The following MKS1 variants were observed in gnomAD, a reference collection of about 807,000 sequenced individuals.
MKS1 encodes MKS transition zone complex subunit 1.
MKS1 carries 70 observed loss-of-function variants against 83.7 expected under a neutral mutation model. The ratio of observed to expected loss-of-function variants is 0.84; its 90% CI spans 0.69 to 1.02. The LOEUF is 1.02. Ranked by LOEUF, MKS1 falls within the 50% of genes least tolerant of loss-of-function variation. The probability of loss-of-function intolerance (pLI) is 0.00; values close to 1 mark genes in which losing one functional copy is unlikely to be tolerated. For missense variants in MKS1, 681 were observed against 726.9 expected (o/e 0.94, Z 0.73); for synonymous variants, 251 against 273.4 (o/e 0.92, Z 0.81).
chr17:58,216,676 A>G lies in MKS1; in HGVS notation c.251T>C (p.Leu84Pro). Residue 84 changes from leucine to proline, a missense_variant, in exon 3 of 18, where the codon CTC (leucine) becomes CCC (proline). Coordinates refer to ENST00000393119, the MANE Select transcript of MKS1 (RefSeq NM_017777.4). Reference sequence around the variant, plus strand: ...GAGACACTGGCTCACCTGGCTAAAGAGCTTCTCCTGCCACCCAATCACAAT... The same window carrying G: ...GAGACACTGGCTCACCTGGCTAAAGGGCTTCTCCTGCCACCCAATCACAAT... ...EEIVIGWQEKLFSQFEVDLYQ... is the reference protein window; with the variant it reads ...EEIVIGWQEKPFSQFEVDLYQ... 1 of 1,614,192 alleles carries G rather than the reference A, an allele frequency of 6.2e-7. No individual in the cohort carries two copies. The highest frequency in any genetic ancestry group is 8.5e-7 in the Non-Finnish European group (1 of 1,180,026).
intron 15 of MKS1, 41 bp downstream of exon 15, chr17:58,207,044 A>G (rs1002602328): frequency 1.2e-6 from 2 of 1,614,008 alleles, no homozygotes; most frequent in South Asian, 1.1e-5. Flanking sequence ...GGACAGGACC[A>G]TAAGTTCTCA....
intron 4 of MKS1, 135 bp from the exon 5 acceptor site, chr17:58,214,973 A>G (rs1969108070): frequency 7.2e-7 from 1 of 1,388,702 alleles, no homozygotes; most frequent in Non-Finnish European, 9.8e-7. Flanking sequence ...ACAATTATAC[A>G]TGCTAACGGA....
chr17:58,215,964 G>T, intron 4 of MKS1, 124 bp downstream of exon 4: 1 of 1,196,540 alleles, frequency 8.4e-7, no homozygotes, highest in Non-Finnish European at 1.2e-6. Context: ...GCAGCTCACA[G>T]CAGTTCCTAG....
rs144764478 is a variant in MKS1 at position 58,207,971 on chromosome 17, C to G, written c.1196G>C (p.Cys399Ser). ...DALPEWPVLY[C>S]EVLSLDFWQR... ...CCAGAAGTCCAGCGAGAGGACCTCA[C>G]AGTAGAGCACAGGCCACTCCGGGAG... The change falls in exon 14 of 18, where the codon TGT (cysteine) becomes TCT (serine). Residue 399 changes from cysteine to serine, a missense_variant. By Grantham distance (112) the Cys-to-Ser change is moderately radical. Around this residue, in one of 3 missense-constraint regions of MKS1, gnomAD observed 310 missense variants for 321.7 expected, o/e 0.96. Transcript: ENST00000393119. 461 of 1,614,104 alleles carry G rather than the reference C, an allele frequency of 2.9e-4. No homozygotes were observed. The highest frequency in any genetic ancestry group is 3.8e-4 in the Non-Finnish European group (452 of 1,180,026).
chr17:58,215,788 T>A, intron 4 of MKS1: 1 of 407,274 alleles, frequency 2.5e-6, no homozygotes, highest in South Asian at 2.2e-5. Flanking sequence ...TCATGATGCA[T>A]GGAGGAAGTC....
At position 58,208,134 on chromosome 17, in the gene MKS1, G is replaced by C; in HGVS notation, c.1136C>G (p.Ala379Gly). 6.2e-7 allele frequency: 1 copy of C among 1,613,972 alleles called. No individual in the cohort carries two copies. The highest frequency in any genetic ancestry group is 1.6e-4 in the Middle Eastern group (1 of 6,062). ...AGATTCATCCTCATGGAGGAAGAAG[G>C]CTTCAAACGTGAATGGGTAGGAGAA... ...AHFSYPFTFEAFFLHEDESSD... is the reference protein window; with the variant it reads ...AHFSYPFTFEGFFLHEDESSD... The change falls in exon 13 of 18, where the codon GCC becomes GGC. Residue 379 changes from alanine to glycine, a missense_variant. By Grantham distance (60) the Ala-to-Gly change is moderately conservative. This residue lies in a region of MKS1 where 310 missense variants were observed against 321.7 expected (regional missense o/e 0.96). Transcript: ENST00000393119.
Position 58,218,645 on chromosome 17 carries a change from G to A in MKS1, c.165C>T (p.Ala55=), listed in dbSNP as rs375999060. The change falls in exon 2 of 18, where the codon GCC becomes GCT. Residue 55 remains alanine (A), a synonymous_variant. Coordinates refer to ENST00000393119, the MANE Select transcript of MKS1 (RefSeq NM_017777.4). ...TGGCAGTTGGCTGAGGCCTAAAAGT[G>A]GCCAAGTCTATGAGGTCCTTCCCGA... ...AELGKDLIDL[A]TFRPQPTASG... 1 of 1,613,180 alleles carries A rather than the reference G, an allele frequency of 6.2e-7. No homozygotes were observed. Among genetic ancestry groups the A allele is most frequent in the East Asian group, 2.2e-5 (1 of 44,864 alleles).
At position 58,211,036 on chromosome 17, in the gene MKS1, A is replaced by C; in HGVS notation, c.916-14T>G. On this transcript the variant is annotated splice_polypyrimidine_tract_variant and intron_variant, in intron 9 of 17. Coordinates refer to ENST00000393119, the MANE Select transcript of MKS1 (RefSeq NM_017777.4). ...ACCTGGGACAGTCTAAGGTGAAGAG[A>C]AGTGGGAAAGGATCAGCAGGCCTGG... 6.2e-7 allele frequency: 1 copy of C among 1,613,716 alleles called. No homozygotes were observed. Among genetic ancestry groups the C allele is most frequent in the East Asian group, 2.2e-5 (1 of 44,876 alleles).
Position 58,206,336 on chromosome 17 carries a change from ACACT to A in MKS1, c.1531_1534del (p.Ser511CysfsTer18), listed in dbSNP as rs1555596710. ...GCTGAACCCTTCCAGACGGTCCAAC[ACACT>A]CCGCATCCTTTTCTGAAGGGAGCTC... On this transcript the variant is annotated frameshift_variant, in exon 17 of 18. Coordinates refer to ENST00000393119, the MANE Select transcript of MKS1 (RefSeq NM_017777.4). LOFTEE classifies it high-confidence loss of function. The A allele has an allele frequency of 6.2e-7, 1 of 1,614,002 alleles. No homozygotes were observed. The highest frequency in any genetic ancestry group is 1.1e-5 in the South Asian group (1 of 91,062).
In MKS1 at chr17:58,214,324, G is replaced by T. The variant is rs1206983556; in HGVS notation, c.579C>A (p.Asn193Lys). ...TWEPSEEFVRNNHVINTPLQT... is the reference protein window; with the variant it reads ...TWEPSEEFVRKNHVINTPLQT... ...GAAGAGGGGTGTTAATGACGTGGTT[G>T]TTCCTGACAAACTCTTCTGAGGGCT... is the stretch of plus-strand genomic sequence containing the variant. Residue 193 changes from asparagine to lysine, a missense_variant, in exon 6 of 18, where the codon AAC (asparagine) becomes AAA (lysine). Around this residue, in one of 3 missense-constraint regions of MKS1, gnomAD observed 365 missense variants for 383.8 expected, o/e 0.95. Coordinates refer to ENST00000393119, the MANE Select transcript of MKS1 (RefSeq NM_017777.4). 6.2e-7 allele frequency: 1 copy of T among 1,614,052 alleles called. No homozygotes were observed. Among genetic ancestry groups the T allele is most frequent in the South Asian group, 1.1e-5 (1 of 91,062 alleles).
rs150287286 is a variant in MKS1, at chr17:58,210,614, C to G, written c.1024+45G>C. The G allele has an allele frequency of 1.2e-4, 182 of 1,555,176 alleles. 1 individual carries two copies. In the East Asian group the frequency reaches 3.3e-3, roughly 28 times the overall value. ...GAAGCCTGACCAAATGCCTCTAGAT[C>G]TGTCTGAATGGGTATAAAAGGAGAG... On this transcript the variant is annotated intron_variant, in intron 11 of 17. Transcript: ENST00000393119.
At chr17:58,217,300 A>C (rs1403790459) in intron 2 of MKS1, among the ~76,000 whole-genome samples, 2 of 152,246 alleles carry the variant, frequency 1.3e-5, no homozygotes, top group Admixed American at 6.5e-5. Flanking sequence ...GCTCCAGGAA[A>C]TATCTAATCT....
chr17:58,208,220 C>T lies in MKS1; in HGVS notation c.1096-46G>A, dbSNP rs1279918157. 2.0e-6 allele frequency: 3 copies of T among 1,503,494 alleles called. No homozygotes were observed. The Admixed American group carries it at 5.0e-5, about 25-fold the overall frequency. The allele number at this position is 1,503,494 out of a possible 1,614,324, so 93.1% of individuals were successfully genotyped here. A position where few individuals can be genotyped will look rare whatever the true frequency, so the allele number is the denominator to read the frequency against. ...GGGTGGGCAAGGCCTCCCTTGGAAT[C>T]TGTTCTCCTTGTGGCCAATGACAAG... On this transcript the variant is annotated intron_variant, in intron 12 of 17. Transcript: ENST00000393119.
chr17:58,207,121 C>G lies in MKS1; in HGVS notation c.1371G>C (p.Glu457Asp), dbSNP rs1313546665. ...RFFIGGSLEL[E>D]DLSYVRIPGS... ...CTGGTATCCGTACATAGGAGAGGTC[C>G]TCCAGTTCCAGAGAACCGCCAATGA... is the stretch of plus-strand genomic sequence containing the variant. Residue 457 changes from glutamate to aspartate, a missense_variant, in exon 15 of 18, where the codon GAG (glutamate) becomes GAC (aspartate). Around this residue, in one of 3 missense-constraint regions of MKS1, gnomAD observed 310 missense variants for 321.7 expected, o/e 0.96. Transcript: ENST00000393119. 3 of 1,614,054 alleles carry G rather than the reference C, an allele frequency of 1.9e-6. No individual in the cohort carries two copies. Among genetic ancestry groups the G allele is most frequent in the Non-Finnish European group, 2.5e-6 (3 of 1,180,044 alleles).
chr17:58,208,729 G>A (rs1968688096), intron 11 of MKS1, 146 bp from the exon 12 acceptor site: 1 of 754,020 alleles, frequency 1.3e-6, no homozygotes, highest in Non-Finnish European at 2.2e-6. Context: ...ATGTGGCAGG[G>A]TCATAGGATA....
chr17:58,206,100 G>A lies in MKS1; in HGVS notation c.1659C>T (p.Pro553=), dbSNP rs1401390902. 6.2e-7 allele frequency: 1 copy of A among 1,612,732 alleles called. No individual in the cohort carries two copies. Among genetic ancestry groups the A allele is most frequent in the Admixed American group, 1.7e-5 (1 of 59,870 alleles). Residue 553 remains proline (P), a synonymous_variant, in exon 18 of 18, where the codon CCC becomes CCT. Coordinates refer to ENST00000393119, the MANE Select transcript of MKS1 (RefSeq NM_017777.4). ...TGAGCTAGGAGACCAGGGTTCCAGA[G>A]GGGCTCACTAGGTCCTGCGGGAGGC... ...RESLPQDLVS[P]SGTLVS
rs749503564 is a variant in MKS1 at position 58,207,193 on chromosome 17, C to G, written c.1299G>C (p.Thr433=). ...CCGTGCCAAGCTCCACAGGTCTCCA[C>G]GTGGAGACTGTCAGGGTGTGTGAGC... The part of the protein sequence containing the change: ...TPGSHTLTVS[T]WRPVELGTVA... The change falls in exon 15 of 18, where the codon ACG becomes ACC. Residue 433 remains threonine (T), a synonymous_variant. Transcript: ENST00000393119. 6.2e-7 allele frequency: 1 copy of G among 1,614,162 alleles called. No individual in the cohort carries two copies. Among genetic ancestry groups the G allele is most frequent in the South Asian group, 1.1e-5 (1 of 91,076 alleles).
chr17:58,206,036 C>T lies in MKS1; in HGVS notation c.*43G>A, dbSNP rs369146407. 5.6e-5 allele frequency: 89 copies of T among 1,578,042 alleles called. No homozygotes were observed. In the African/African-American group the frequency reaches 1.0e-3, roughly 18 times the overall value. ...CAGGAGAGCACTGGCCTCAGATATC[C>T]CCCATCTTGTCCTCTTGCACTGTGG... On this transcript the variant is annotated 3_prime_UTR_variant, in exon 18 of 18. Transcript: ENST00000393119.
At position 58,205,613 on chromosome 17, in the gene MKS1, T is replaced by C; in HGVS notation, c.*466A>G. ...AAGCCCCAAGCAGTAGAATGAGGCT[T>C]CCCTGGAAAGAGGCTGAGACTCACA... On this transcript the variant is annotated 3_prime_UTR_variant, in exon 18 of 18. Transcript: ENST00000393119. The C allele has an allele frequency of 1.5e-6, 2 of 1,306,290 alleles. No individual in the cohort carries two copies. Among genetic ancestry groups the C allele is most frequent in the South Asian group, 2.5e-5 (2 of 81,042 alleles). The allele number at this position is 1,306,290 out of a possible 1,614,324, so 80.9% of individuals were successfully genotyped here. A position where few individuals can be genotyped will look rare whatever the true frequency, so the allele number is the denominator to read the frequency against.
Sources: gnomAD v4.1 joint callset for allele counts (sites outside exome capture counted in the v4.1 genomes callset) on GRCh38, gnomAD v4.1.1 for gene constraint, gnomAD v4.1.1 regional missense constraint, MANE v1.5 for transcripts, NCBI Gene and HGNC (gene_info 2026-07-23, HGNC 2026-07-21) for gene names.